Variants in ARHGAP15 observed in about 807,000 individuals in gnomAD.
ARHGAP15 encodes the protein rho GTPase-activating protein 15.
Under a neutral mutation model 63.7 loss-of-function variants are expected in ARHGAP15, and 51 were observed. That is an observed-to-expected ratio of 0.80 (90% CI 0.64 to 1.01). ARHGAP15 has a LOEUF of 1.01. ARHGAP15 is among the 50% of genes least tolerant of loss of function. The pLI is 0.00. For missense variants in ARHGAP15, 560 were observed against 564.6 expected (o/e 0.99, Z 0.08); for synonymous variants, 191 against 193.8 (o/e 0.99, Z 0.12).
Position 143,743,995 on chromosome 2 carries a change from ATTGT to A in ARHGAP15, c.1245-23991_1245-23988del, listed in dbSNP as rs374597584. ...AATTTCAAATTATCCAGATCATTTCATTGTTTAAGATACCCTGTGTACATAAATT... is the reference window on the plus strand; with the variant it reads ...AATTTCAAATTATCCAGATCATTTCATTAAGATACCCTGTGTACATAAATT... On this transcript the variant is annotated intron_variant, in intron 13 of 13. Transcript: ENST00000295095. 5.4e-3 allele frequency among the ~76,000 whole-genome samples: 826 copies of A among 152,362 alleles called. 3 individuals are homozygous for A. Among genetic ancestry groups the A allele is most frequent in the Non-Finnish European group, 9.4e-3 (638 of 68,034 alleles).
intron 6 of ARHGAP15, among the ~76,000 whole-genome samples, chr2:143,373,039 CA>C (rs1686631785): frequency 7.5e-6 from 1 of 133,170 alleles, no homozygotes; most frequent in African/African-American, 3.1e-5. Flanking sequence ...CAATTATATT[CA>C]AAAAATAGAT....
At chr2:143,671,257 T>C (rs897519504) in intron 12 of ARHGAP15, among the ~76,000 whole-genome samples, 1 of 152,170 alleles carries the variant, frequency 6.6e-6, no homozygotes, top group Non-Finnish European at 1.5e-5. Context: ...ATTAGTTTTT[T>C]TTTTATATCG....
intron 6 of ARHGAP15, among the ~76,000 whole-genome samples, chr2:143,426,249 T>C (rs933846211): frequency 1.3e-5 from 2 of 152,318 alleles, no homozygotes; most frequent in East Asian, 3.9e-4. Context: ...GTTATTTTTA[T>C]GTAAATATTG....
intron 12 of ARHGAP15, among the ~76,000 whole-genome samples, chr2:143,692,151 T>C (rs1325171159): frequency 6.6e-6 from 1 of 151,846 alleles, no homozygotes; most frequent in Non-Finnish European, 1.5e-5. Context: ...GTCACAAAGT[T>C]GAGGAGGAGC....
chr2:143,256,682 A>C (rs1369750590), intron 6 of ARHGAP15, among the ~76,000 whole-genome samples: 1 of 151,946 alleles, frequency 6.6e-6, no homozygotes, highest in Admixed American at 6.6e-5. Flanking sequence ...AGGGAAAGAG[A>C]TATGATTATT....
intron 6 of ARHGAP15, among the ~76,000 whole-genome samples, chr2:143,341,062 A>AT (rs1440268551): frequency 5.3e-5 from 8 of 152,060 alleles, no homozygotes; most frequent in African/African-American, 1.9e-4. Context: ...TTTGTTCTCT[A>AT]AAAACATGCA....
rs67267617 is a variant in ARHGAP15, at chr2:143,262,535, A to ATTTTTTTTTTTTTTTTTTTTTT, written c.474+11938_474+11959dup. Among the ~76,000 whole-genome samples the ATTTTTTTTTTTTTTTTTTTTTT allele has an allele frequency of 2.2e-5, 2 of 90,920 alleles. 1 individual carries two copies. The highest frequency in any genetic ancestry group is 9.4e-5 in the African/African-American group (2 of 21,336). 59.6% of individuals were successfully genotyped at this position (90,920 alleles called of 152,430 possible). A position where few individuals can be genotyped will look rare whatever the true frequency, so the allele number is the denominator to read the frequency against. ...TGTATATGCGGGGTCTGAACCTTTG[A>ATTTTTTTTTTTTTTTTTTTTTT]TTTTTTTTTTTTTTTTTTTTTTTTA... On this transcript the variant is annotated intron_variant, in intron 6 of 13. Coordinates refer to ENST00000295095, the MANE Select transcript of ARHGAP15 (RefSeq NM_018460.4).
intron 8 of ARHGAP15, among the ~76,000 whole-genome samples, chr2:143,456,784 T>C (rs552838195): frequency 6.6e-6 from 1 of 151,780 alleles, no homozygotes; most frequent in Non-Finnish European, 1.5e-5. Flanking sequence ...TTAAGTTTTA[T>C]TTGTTATTAT....
At chr2:143,175,227 A>ACCC (rs1200351720) in intron 2 of ARHGAP15, among the ~76,000 whole-genome samples, 2 of 152,110 alleles carry the variant, frequency 1.3e-5, no homozygotes, top group African/African-American at 4.8e-5. Flanking sequence ...CTCTAGCCTG[A>ACCC]CCCGAGTGAA....
intron 5 of ARHGAP15, chr2:143,236,137 T>C: frequency 2.6e-6 from 2 of 763,614 alleles, no homozygotes; most frequent in Non-Finnish European, 3.8e-6. Context: ...TTTTTTCTTT[T>C]TGTTTTGTTT....
intron 1 of ARHGAP15, among the ~76,000 whole-genome samples, chr2:143,131,106 G>A (rs183814199): frequency 6.6e-6 from 1 of 152,228 alleles, no homozygotes; most frequent in East Asian, 1.9e-4. Context: ...AGTGTTTCTT[G>A]CAGAAACTGT....
chr2:143,470,180 A>G (rs1447343045), intron 8 of ARHGAP15, among the ~76,000 whole-genome samples: 1 of 151,802 alleles, frequency 6.6e-6, no homozygotes, highest in African/African-American at 2.4e-5. Flanking sequence ...TTTTATTTTA[A>G]TGTATTCTAT....
At chr2:143,320,602 A>T (rs766147166) in intron 6 of ARHGAP15, among the ~76,000 whole-genome samples, 7 of 152,048 alleles carry the variant, frequency 4.6e-5, no homozygotes, top group Non-Finnish European at 8.8e-5. Context: ...CAAAGGGGGA[A>T]TTCAGGGATG....
At chr2:143,399,154 C>A (rs1413242763) in intron 6 of ARHGAP15, among the ~76,000 whole-genome samples, 1 of 152,054 alleles carries the variant, frequency 6.6e-6, no homozygotes, top group Admixed American at 6.6e-5. Context: ...GGCCACCTGA[C>A]ACTTTATGGA....
intron 6 of ARHGAP15, among the ~76,000 whole-genome samples, chr2:143,303,475 A>G (rs1175678301): frequency 6.6e-6 from 1 of 152,138 alleles, no homozygotes. Context: ...TTCAAGATGG[A>G]TTAAAGACTT....
At chr2:143,744,168 G>T (rs1686071488) in intron 13 of ARHGAP15, among the ~76,000 whole-genome samples, 1 of 152,216 alleles carries the variant, frequency 6.6e-6, no homozygotes, top group Non-Finnish European at 1.5e-5. Flanking sequence ...TTAGGGTGGG[G>T]CTTAGGTCCT....
intron 11 of ARHGAP15, among the ~76,000 whole-genome samples, chr2:143,602,286 CAAAT>C (rs1284942714): frequency 6.6e-5 from 10 of 152,232 alleles, no homozygotes; most frequent in South Asian, 2.1e-4. Flanking sequence ...AAGCAATTGA[CAAAT>C]AAAATCATTT....
At position 143,147,252 on chromosome 2, in the gene ARHGAP15, G is replaced by A; in HGVS notation, c.-14-8225G>A. Reference sequence around the variant, plus strand: ...TTCCCCAGTGTTTTCTAACGCTGTGGCTGCTGAGCAACTTGTTCTAGAGCT... The same window carrying A: ...TTCCCCAGTGTTTTCTAACGCTGTGACTGCTGAGCAACTTGTTCTAGAGCT... On this transcript the variant is annotated intron_variant, in intron 1 of 13. Coordinates refer to ENST00000295095, the MANE Select transcript of ARHGAP15 (RefSeq NM_018460.4). Among the ~76,000 whole-genome samples the A allele has an allele frequency of 1.3e-5, 2 of 152,014 alleles. 1 individual carries two copies. Among genetic ancestry groups the A allele is most frequent in the East Asian group, 3.9e-4 (2 of 5,148 alleles).
At chr2:143,262,534 G>GTTTTTTTT (rs1680773129) in intron 6 of ARHGAP15, among the ~76,000 whole-genome samples, 2 of 82,076 alleles carry the variant, frequency 2.4e-5, no homozygotes, top group African/African-American at 5.5e-5. Context: ...CTGAACCTTT[G>GTTTTTTTT]ATTTTTTTTT....
Sources: allele counts gnomAD v4.1 joint callset (sites outside exome capture counted in the v4.1 genomes callset), GRCh38; gene constraint gnomAD v4.1.1; transcripts MANE v1.5; gene names NCBI Gene and HGNC (gene_info 2026-07-23, HGNC 2026-07-21).